The following NELL1 variants were observed in gnomAD, a reference collection of about 807,000 sequenced individuals.
NELL1 encodes the protein protein kinase C-binding protein NELL1.
NELL1 carries 76 observed loss-of-function variants against 107.4 expected under a neutral mutation model. That is an observed-to-expected ratio of 0.71 (90% CI 0.59 to 0.86). NELL1 has a LOEUF of 0.86. Among genes scored for constraint, NELL1 ranks in the 40% least tolerant of loss-of-function variants. The pLI, the probability that NELL1 is intolerant of heterozygous loss-of-function variation, is 0.00. For synonymous variants in NELL1, 353 were observed against 341.2 expected (o/e 1.03, Z -0.38); for missense variants, 1,024 against 1,005.5 (o/e 1.02, Z -0.25).
chr11:20,728,342 T>G (rs11025719), intron 2 of NELL1, among the ~76,000 whole-genome samples: 17,687 of 152,220 alleles, frequency 0.12, 1,152 homozygotes, highest in Non-Finnish European at 0.15. Context: ...TTGTTTTTGT[T>G]GTAATTGCAT....
chr11:21,458,265 G>A (rs117087564), intron 15 of NELL1, among the ~76,000 whole-genome samples: 238 of 152,294 alleles, frequency 1.6e-3, no homozygotes, highest in Non-Finnish European at 2.9e-3. Flanking sequence ...TACACAGCTA[G>A]TGGGTGTATA....
intron 9 of NELL1, among the ~76,000 whole-genome samples, chr11:20,930,145 G>A (rs1243940231): frequency 1.3e-5 from 2 of 151,932 alleles, no homozygotes; most frequent in African/African-American, 2.4e-5. Flanking sequence ...ACTTTTTGAC[G>A]TTTTTTTAAA....
chr11:21,194,017 T>C (rs929255625), intron 13 of NELL1, among the ~76,000 whole-genome samples: 1 of 150,812 alleles, frequency 6.6e-6, no homozygotes, highest in African/African-American at 2.4e-5. Flanking sequence ...AGATAATGAT[T>C]ATAATGTTAG....
intron 15 of NELL1, among the ~76,000 whole-genome samples, chr11:21,486,271 A>C (rs1249257774): frequency 6.6e-6 from 1 of 152,118 alleles, no homozygotes; most frequent in East Asian, 1.9e-4. Flanking sequence ...GGACCCGAAG[A>C]CTGGCCCACC....
At chr11:20,909,368 GTC>G (rs371766048) in intron 5 of NELL1, among the ~76,000 whole-genome samples, 2 of 152,272 alleles carry the variant, frequency 1.3e-5, no homozygotes, top group Non-Finnish European at 2.9e-5. Context: ...TATTTCCAAA[GTC>G]TGATTCAGTG....
Position 20,832,686 on chromosome 11 carries a change from C to T in NELL1, c.336-14897C>T, listed in dbSNP as rs149664927. On this transcript the variant is annotated intron_variant, in intron 3 of 19. Transcript: ENST00000357134. ...AAATAAAAGTTTCTTATCAAGGAGG[C>T]AATTCAGGAAAATTAACATTTAAAT... Among the ~76,000 whole-genome samples, 88 of 152,240 alleles carry T rather than the reference C, an allele frequency of 5.8e-4. 1 individual carries two copies. Among genetic ancestry groups the T allele is most frequent in the African/African-American group, 2.1e-3 (88 of 41,546 alleles).
At chr11:21,004,106 G>T (rs1488182094) in intron 12 of NELL1, among the ~76,000 whole-genome samples, 1 of 152,046 alleles carries the variant, frequency 6.6e-6, no homozygotes, top group Non-Finnish European at 1.5e-5. Context: ...TCCCATCTGT[G>T]TTCCTATGCA....
intron 14 of NELL1, among the ~76,000 whole-genome samples, chr11:21,298,374 T>G (rs1325002979): frequency 6.6e-6 from 1 of 151,976 alleles, no homozygotes; most frequent in African/African-American, 2.4e-5. Context: ...ACTTCTTATT[T>G]ATTTCTTCTC....
At chr11:21,495,692 C>G (rs577851469) in intron 15 of NELL1, among the ~76,000 whole-genome samples, 2 of 152,002 alleles carry the variant, frequency 1.3e-5, no homozygotes, top group Non-Finnish European at 1.5e-5. Context: ...CTTTTTGATT[C>G]AAGTTGTCCT....
intron 2 of NELL1, among the ~76,000 whole-genome samples, chr11:20,734,335 A>G (rs1158871557): frequency 2.0e-5 from 3 of 152,154 alleles, no homozygotes; most frequent in South Asian, 2.1e-4. Context: ...GAGCAGGACA[A>G]TGATCTATGA....
At chr11:20,850,862 C>A (rs1848782875) in intron 4 of NELL1, among the ~76,000 whole-genome samples, 1 of 152,054 alleles carries the variant, frequency 6.6e-6, no homozygotes, top group African/African-American at 2.4e-5. Context: ...CTTAGGATAA[C>A]CATATGGGGA....
intron 12 of NELL1, among the ~76,000 whole-genome samples, chr11:21,014,722 A>G (rs1240959280): frequency 6.6e-6 from 1 of 152,092 alleles, no homozygotes; most frequent in Non-Finnish European, 1.5e-5. Flanking sequence ...CTGCCCAATA[A>G]TGTTGATTGA....
chr11:20,802,457 A>G (rs1282760159), intron 3 of NELL1, among the ~76,000 whole-genome samples: 2 of 149,902 alleles, frequency 1.3e-5, no homozygotes, highest in African/African-American at 2.5e-5. Context: ...TATCAGTTCT[A>G]ATCTTTTTGT....
chr11:20,736,004 A>T (rs1360988307), intron 2 of NELL1, among the ~76,000 whole-genome samples: 1 of 152,132 alleles, frequency 6.6e-6, no homozygotes, highest in Non-Finnish European at 1.5e-5. Flanking sequence ...GACTCATTTT[A>T]GGAGCAGGGT....
chr11:21,248,610 A>G (rs1361849308), intron 14 of NELL1, among the ~76,000 whole-genome samples: 2 of 151,966 alleles, frequency 1.3e-5, no homozygotes, highest in Admixed American at 6.6e-5. Flanking sequence ...GTGGTGAGGA[A>G]ACAAGGACAG....
In NELL1 at chr11:21,042,470, C is replaced by T. The variant is rs537549389; in HGVS notation, c.1301-71119C>T. ...AGAAAATGAATATTCACAGGTATTACGGAGCACAGTATTGCTGTGGAGCAG... is the reference window on the plus strand; with the variant it reads ...AGAAAATGAATATTCACAGGTATTATGGAGCACAGTATTGCTGTGGAGCAG... On this transcript the variant is annotated intron_variant, in intron 12 of 19. Transcript: ENST00000357134. Among the ~76,000 whole-genome samples the T allele has an allele frequency of 1.1e-4, 16 of 152,288 alleles. No individual in the cohort carries two copies. The South Asian group carries it at 1.5e-3, about 14-fold the overall frequency.
At chr11:21,199,051 A>G (rs942641006) in intron 13 of NELL1, among the ~76,000 whole-genome samples, 3 of 152,228 alleles carry the variant, frequency 2.0e-5, no homozygotes, top group African/African-American at 4.8e-5. Flanking sequence ...TCAGTTTTGT[A>G]TCTATTCTTT....
At chr11:21,374,887 C>CTGTG (rs10566953) in intron 15 of NELL1, among the ~76,000 whole-genome samples, 2,514 of 143,802 alleles carry the variant, frequency 0.017, 35 homozygotes, top group Middle Eastern at 0.022. Context: ...CTGTGTGTGT[C>CTGTG]TGTGTGTGTG....
At chr11:20,738,976 C>T (rs767404537) in intron 2 of NELL1, among the ~76,000 whole-genome samples, 3 of 152,194 alleles carry the variant, frequency 2.0e-5, no homozygotes, top group Non-Finnish European at 2.9e-5. Context: ...CTTTTAGCAC[C>T]TTAGAGCTGA....
Sources: allele counts gnomAD v4.1 joint callset (sites outside exome capture counted in the v4.1 genomes callset), GRCh38; gene constraint gnomAD v4.1.1; transcripts MANE v1.5; gene names NCBI Gene and HGNC (gene_info 2026-07-23, HGNC 2026-07-21).